ADGRB3: variants seen among roughly 807,000 people sequenced by gnomAD.
ADGRB3 encodes the protein adhesion G protein-coupled receptor B3.
In ADGRB3, 37 loss-of-function variants were observed where a neutral mutation model predicts 193.4. The ratio of observed to expected loss-of-function variants is 0.19; its 90% CI spans 0.15 to 0.25. The LOEUF (loss-of-function observed/expected upper bound fraction) is 0.25. ADGRB3 is among the 10% of genes least tolerant of loss of function. ADGRB3 has a pLI of 1.00. For synonymous variants in ADGRB3, 690 were observed against 644.2 expected (o/e 1.07, Z -1.08); for missense variants, 1,637 against 1,852.9 (o/e 0.88, Z 2.14).
chr6:69,134,358 T>C (rs1420918659), intron 17 of ADGRB3, among the ~76,000 whole-genome samples: 1 of 152,136 alleles, frequency 6.6e-6, no homozygotes. Context: ...CTGTATCTTT[T>C]AGAGCACTGA....
intron 16 of ADGRB3, among the ~76,000 whole-genome samples, chr6:69,066,022 A>G (rs566958753): frequency 2.5e-4 from 37 of 148,318 alleles, no homozygotes; most frequent in African/African-American, 8.5e-4. Context: ...GAATGTGCAT[A>G]GGTTATATGC....
At chr6:68,885,685 G>A (rs887781051) in intron 3 of ADGRB3, among the ~76,000 whole-genome samples, 1 of 152,142 alleles carries the variant, frequency 6.6e-6, no homozygotes, top group South Asian at 2.1e-4. Flanking sequence ...GATACAGAAA[G>A]GGGAGATATT....
chr6:68,810,377 C>T (rs1227809251), intron 3 of ADGRB3, among the ~76,000 whole-genome samples: 1 of 152,154 alleles, frequency 6.6e-6, no homozygotes, highest in Non-Finnish European at 1.5e-5. Context: ...AATGGCCAGA[C>T]CTTTGGTGAA....
chr6:68,927,114 A>G (rs926003432), intron 3 of ADGRB3, among the ~76,000 whole-genome samples: 6 of 152,114 alleles, frequency 3.9e-5, no homozygotes, highest in Non-Finnish European at 7.4e-5. Flanking sequence ...TAACATCAAC[A>G]TAAAGATATA....
intron 3 of ADGRB3, among the ~76,000 whole-genome samples, chr6:68,856,889 G>A (rs1185784861): frequency 6.6e-6 from 1 of 152,178 alleles, no homozygotes; most frequent in Non-Finnish European, 1.5e-5. Flanking sequence ...CATGGGCCAG[G>A]CCCTGGGCTC....
At chr6:68,867,741 T>C (rs1765337644) in intron 3 of ADGRB3, among the ~76,000 whole-genome samples, 1 of 152,188 alleles carries the variant, frequency 6.6e-6, no homozygotes, top group Non-Finnish European at 1.5e-5. Flanking sequence ...TATCCGCATG[T>C]CCTGTATGTG....
intron 17 of ADGRB3, among the ~76,000 whole-genome samples, chr6:69,156,079 C>A (rs1384779657): frequency 1.3e-5 from 2 of 152,050 alleles, no homozygotes; most frequent in Admixed American, 6.6e-5. Context: ...AGAACCTAGT[C>A]TCAATTAATT....
chr6:68,836,193 T>G (rs943130221), intron 3 of ADGRB3, among the ~76,000 whole-genome samples: 2 of 152,088 alleles, frequency 1.3e-5, no homozygotes, highest in African/African-American at 2.4e-5. Flanking sequence ...CCAACCTCCC[T>G]GCTACCCTTT....
At chr6:68,651,709 T>C (rs541685226) in intron 3 of ADGRB3, among the ~76,000 whole-genome samples, 1 of 152,098 alleles carries the variant, frequency 6.6e-6, no homozygotes, top group Admixed American at 6.6e-5. Flanking sequence ...GAAGCCAATA[T>C]ATAAGAGCCT....
At chr6:68,830,285 G>T (rs1389621976) in intron 3 of ADGRB3, among the ~76,000 whole-genome samples, 2 of 152,086 alleles carry the variant, frequency 1.3e-5, no homozygotes, top group Non-Finnish European at 2.9e-5. Context: ...AGATCAAGGG[G>T]AAGAAAAGAA....
chr6:68,655,280 A>G (rs540709231), intron 3 of ADGRB3, among the ~76,000 whole-genome samples: 2 of 151,520 alleles, frequency 1.3e-5, no homozygotes, highest in Admixed American at 1.3e-4. Flanking sequence ...CACTTCTCTA[A>G]ACATCAGGGT....
chr6:69,037,703 G>A (rs1036337920), intron 13 of ADGRB3, among the ~76,000 whole-genome samples: 4 of 151,618 alleles, frequency 2.6e-5, no homozygotes, highest in African/African-American at 9.7e-5. Flanking sequence ...ATTTATTTTG[G>A]TGGTATCTTT....
At chr6:69,294,666 C>T (rs1475708372) in intron 20 of ADGRB3, among the ~76,000 whole-genome samples, 1 of 152,088 alleles carries the variant, frequency 6.6e-6, no homozygotes, top group Non-Finnish European at 1.5e-5. Flanking sequence ...AAGATAAAAT[C>T]CGTGCAGTGG....
intron 17 of ADGRB3, among the ~76,000 whole-genome samples, chr6:69,115,292 G>T (rs1287635655): frequency 6.6e-6 from 1 of 152,302 alleles, no homozygotes; most frequent in Admixed American, 6.5e-5. Context: ...CATGTCCTTT[G>T]CAGGTACATG....
At position 69,048,334 on chromosome 6, in the gene ADGRB3, G is replaced by A; in HGVS notation, c.2257G>A (p.Glu753Lys). ...CATTTTCACTCCGGTGTCATCAAAA[G>A]GTAAATATCTGAAATAATATGAGCT... ...KSIFTPVSSKELDESSVFVLG... is the reference protein window; with the variant it reads ...KSIFTPVSSKKLDESSVFVLG... The change falls in exon 14 of 32, where the codon GAA (glutamate) becomes AAA (lysine). Residue 753 changes from glutamate to lysine, a missense_variant and splice_region_variant. Transcript: ENST00000370598. 2.5e-6 allele frequency: 4 copies of A among 1,610,604 alleles called. No individual in the cohort carries two copies. Among genetic ancestry groups the A allele is most frequent in the Non-Finnish European group, 3.4e-6 (4 of 1,178,656 alleles).
At chr6:68,921,135 CTAAAA>C (rs1167077066) in intron 3 of ADGRB3, among the ~76,000 whole-genome samples, 1 of 151,894 alleles carries the variant, frequency 6.6e-6, no homozygotes, top group African/African-American at 2.4e-5. Flanking sequence ...AAGACAAACT[CTAAAA>C]TAAGACAGAA....
At position 68,782,206 on chromosome 6, in the gene ADGRB3, G is replaced by A. The variant is rs540903147; in HGVS notation, c.757+142774G>A. Among the ~76,000 whole-genome samples the A allele has an allele frequency of 1.2e-4, 18 of 144,002 alleles. 1 individual carries two copies. In the East Asian group the frequency reaches 3.4e-3, roughly 27 times the overall value. The allele number at this position is 144,002 out of a possible 152,430, so 94.5% of individuals were successfully genotyped here. A position where few individuals can be genotyped will look rare whatever the true frequency, so the allele number is the denominator to read the frequency against. ...CTCTTTGTTCAATTCCCACCTATGAGTGAGAACATGTGGTGTTTGGTTTTT... is the reference window on the plus strand; with the variant it reads ...CTCTTTGTTCAATTCCCACCTATGAATGAGAACATGTGGTGTTTGGTTTTT... On this transcript the variant is annotated intron_variant, in intron 3 of 31. Transcript: ENST00000370598.
intron 3 of ADGRB3, among the ~76,000 whole-genome samples, chr6:68,706,117 A>G (rs754193907): frequency 6.6e-6 from 1 of 152,170 alleles, no homozygotes; most frequent in Non-Finnish European, 1.5e-5. Flanking sequence ...GATGTAGTTG[A>G]GAAAAGCGTT....
chr6:69,053,800 A>C (rs1027335685), intron 15 of ADGRB3, among the ~76,000 whole-genome samples: 4 of 152,238 alleles, frequency 2.6e-5, no homozygotes, highest in Non-Finnish European at 5.9e-5. Flanking sequence ...AGAGCCTTAA[A>C]AGTGCTTTGT....
Sources: allele counts gnomAD v4.1 joint callset (sites outside exome capture counted in the v4.1 genomes callset), GRCh38; gene constraint gnomAD v4.1.1; transcripts MANE v1.5; gene names NCBI Gene and HGNC (gene_info 2026-07-23, HGNC 2026-07-21).